The following RELN variants were observed in gnomAD, a reference collection of about 807,000 sequenced individuals.
The protein encoded by RELN is reelin.
Under a neutral mutation model 427.6 loss-of-function variants are expected in RELN, and 108 were observed. That is an observed-to-expected ratio of 0.25 (90% CI 0.22 to 0.30). The LOEUF is 0.30. RELN is among the 10% of genes least tolerant of loss of function. RELN has a pLI of 1.00. For missense variants in RELN, 3,715 were observed against 4,302.8 expected (o/e 0.86, Z 3.82); for synonymous variants, 1,524 against 1,513.4 (o/e 1.01, Z -0.16).
Position 103,545,255 on chromosome 7 carries a change from T to G in RELN, c.6392A>C (p.Gln2131Pro), listed in dbSNP as rs773143162. Residue 2131 changes from glutamine (Q) to proline (P), a missense_variant, in exon 42 of 65, where the codon CAG (glutamine) becomes CCG (proline). This residue lies in a region of RELN where 1,310 missense variants were observed against 1,643.0 expected (regional missense o/e 0.80). Transcript: ENST00000428762. ...CTGTCCATTACACATCTCCTCACAC[T>G]GGGGACCGATGTAGACATTATCAAT... ...WAIDNVYIGPQCEEMCNGQGS... is the reference protein window; with the variant it reads ...WAIDNVYIGPPCEEMCNGQGS... The G allele has an allele frequency of 2.5e-6, 4 of 1,613,982 alleles. No homozygotes were observed. The highest frequency in any genetic ancestry group is 1.1e-5 in the South Asian group (1 of 91,070).
chr7:103,950,739 T>C (rs1291232646), intron 1 of RELN, among the ~76,000 whole-genome samples: 1 of 152,234 alleles, frequency 6.6e-6, no homozygotes, highest in Non-Finnish European at 1.5e-5. Flanking sequence ...TTTTGACTTT[T>C]AAGGAACAGT....
At chr7:103,797,695 C>A (rs192688117) in intron 3 of RELN, among the ~76,000 whole-genome samples, 322 of 152,106 alleles carry the variant, frequency 2.1e-3, no homozygotes, top group Non-Finnish European at 4.0e-3. Flanking sequence ...AATTACCAAC[C>A]AACCCTATTA....
intron 2 of RELN, among the ~76,000 whole-genome samples, chr7:103,889,801 TA>T (rs1218001137): frequency 6.6e-6 from 1 of 152,092 alleles, no homozygotes; most frequent in Non-Finnish European, 1.5e-5. Context: ...TAAGACACTA[TA>T]AAAAGCACCA....
chr7:103,619,518 T>C (rs377195065), intron 20 of RELN, among the ~76,000 whole-genome samples: 10 of 152,308 alleles, frequency 6.6e-5, no homozygotes, highest in African/African-American at 2.2e-4. Context: ...TTAACAAATA[T>C]ATAGTTTTAA....
intron 1 of RELN, among the ~76,000 whole-genome samples, chr7:103,943,784 G>C: frequency 7.4e-6 from 1 of 135,918 alleles, no homozygotes; most frequent in East Asian, 2.2e-4. Context: ...GGACACAGAG[G>C]TTGCTGTGAG....
intron 1 of RELN, among the ~76,000 whole-genome samples, chr7:103,967,930 C>T (rs1304845292): frequency 2.0e-5 from 3 of 151,976 alleles, no homozygotes; most frequent in African/African-American, 4.8e-5. Context: ...ACTTTCCTGT[C>T]GCACCATTTA....
chr7:103,610,060 T>A (rs1831913603), intron 22 of RELN, among the ~76,000 whole-genome samples: 1 of 152,210 alleles, frequency 6.6e-6, no homozygotes, highest in African/African-American at 2.4e-5. Context: ...CTTTGGGTGA[T>A]TTCATCCTGA....
intron 4 of RELN, among the ~76,000 whole-genome samples, chr7:103,773,418 CCTCGCTCCCTCTCTCT>C (rs1379241981): frequency 5.1e-5 from 3 of 58,282 alleles, no homozygotes; most frequent in Non-Finnish European, 9.4e-5. Flanking sequence ...TCTCTCTCTC[CCTCGCTCCCTCTCTCT>C]CTCTCTCTCT....
intron 2 of RELN, among the ~76,000 whole-genome samples, chr7:103,846,393 G>A (rs933424364): frequency 6.6e-6 from 1 of 152,068 alleles, no homozygotes; most frequent in Non-Finnish European, 1.5e-5. Flanking sequence ...ACTGAAACTG[G>A]ACCCCTTCCT....
chr7:103,489,203 G>GT (rs1828558083), intron 60 of RELN, among the ~76,000 whole-genome samples: 5 of 147,868 alleles, frequency 3.4e-5, no homozygotes, highest in Admixed American at 6.7e-5. Flanking sequence ...GTCATAAAGG[G>GT]GTGTGTGTGT....
intron 8 of RELN, among the ~76,000 whole-genome samples, chr7:103,705,595 G>C (rs1430825186): frequency 2.0e-5 from 3 of 152,112 alleles, no homozygotes; most frequent in South Asian, 2.1e-4. Context: ...ACATAATTTT[G>C]TACTCCACTT....
At chr7:103,489,599 A>G in intron 60 of RELN, 143 bp downstream of exon 60, 1 of 946,834 alleles carries the variant, frequency 1.1e-6, no homozygotes, top group South Asian at 1.4e-5. Context: ...CCAAAGTTAA[A>G]GAGTGACCAA....
At chr7:103,940,587 C>A (rs1242658038) in intron 1 of RELN, among the ~76,000 whole-genome samples, 3 of 152,160 alleles carry the variant, frequency 2.0e-5, no homozygotes, top group African/African-American at 7.2e-5. Context: ...ATGTGGACCC[C>A]CAAGCTCTCA....
At chr7:103,741,551 AG>A (rs1790656741) in intron 6 of RELN, among the ~76,000 whole-genome samples, 2 of 151,838 alleles carry the variant, frequency 1.3e-5, no homozygotes. Context: ...AGAGAAAAAA[AG>A]GAGGATGGGA....
intron 3 of RELN, among the ~76,000 whole-genome samples, chr7:103,808,825 G>A (rs1000040022): frequency 6.6e-6 from 1 of 152,066 alleles, no homozygotes; most frequent in Non-Finnish European, 1.5e-5. Context: ...ATGTTATGAT[G>A]GAGGCATTCC....
chr7:103,571,498 T>C (rs1554381466), intron 31 of RELN, among the ~76,000 whole-genome samples: 1 of 152,222 alleles, frequency 6.6e-6, no homozygotes, highest in Non-Finnish European at 1.5e-5. Flanking sequence ...GGTTATGGCA[T>C]ACATTCTGGA....
At chr7:103,797,837 A>C (rs1584248065) in intron 3 of RELN, among the ~76,000 whole-genome samples, 1 of 152,204 alleles carries the variant, frequency 6.6e-6, no homozygotes, top group Non-Finnish European at 1.5e-5. Flanking sequence ...TAACAAATCA[A>C]AGCCAAAAGA....
chr7:103,699,910 T>G (rs1485434395), intron 9 of RELN, among the ~76,000 whole-genome samples: 4 of 152,122 alleles, frequency 2.6e-5, no homozygotes, highest in Non-Finnish European at 4.4e-5. Flanking sequence ...TCTCAGTTTT[T>G]GGTTAGACTA....
intron 3 of RELN, among the ~76,000 whole-genome samples, chr7:103,806,015 C>G (rs1792590217): frequency 6.6e-6 from 1 of 152,150 alleles, no homozygotes; most frequent in Non-Finnish European, 1.5e-5. Context: ...CAAGCTTTTA[C>G]AATTGCAAGG....
Sources: allele counts gnomAD v4.1 joint callset (sites outside exome capture counted in the v4.1 genomes callset), GRCh38; gene constraint gnomAD v4.1.1; regional missense constraint gnomAD v4.1.1; transcripts MANE v1.5; gene names NCBI Gene and HGNC (gene_info 2026-07-23, HGNC 2026-07-21).